CSMD1: variants seen among roughly 807,000 people sequenced by gnomAD.
CSMD1 encodes CUB and sushi domain-containing protein 1.
Under a neutral mutation model 417.5 loss-of-function variants are expected in CSMD1, and 213 were observed. The observed-to-expected ratio is 0.51, with a 90% CI of 0.46 to 0.57. CSMD1 has a LOEUF of 0.57. Ranked by LOEUF, CSMD1 falls within the 20% of genes least tolerant of loss-of-function variation. The probability of loss-of-function intolerance (pLI) is 0.00; values close to 1 mark genes in which losing one functional copy is unlikely to be tolerated. For synonymous variants in CSMD1, 2,862 were observed against 1,736.8 expected, an observed-to-expected ratio of 1.65 and a Z score of -16.11; for missense variants, 6,923 against 4,529.7, an observed-to-expected ratio of 1.53 and a Z score of -15.17.
chr8:3,694,766 T>A (rs1800454594), intron 7 of CSMD1, among the ~76,000 whole-genome samples: 1 of 150,474 alleles, frequency 6.6e-6, no homozygotes, highest in Admixed American at 6.6e-5. Flanking sequence ...AAAAAAGAAG[T>A]GGAAAGAGCG....
chr8:3,235,667 C>G (rs1057072450), intron 26 of CSMD1, among the ~76,000 whole-genome samples: 2 of 152,132 alleles, frequency 1.3e-5, no homozygotes, highest in African/African-American at 4.8e-5. Flanking sequence ...AAATAGAAGT[C>G]CACAGAATAT....
At chr8:4,232,867 A>G (rs1801826516) in intron 3 of CSMD1, among the ~76,000 whole-genome samples, 1 of 152,198 alleles carries the variant, frequency 6.6e-6, no homozygotes, top group African/African-American at 2.4e-5. Flanking sequence ...TTTAGGGGCA[A>G]CAATCTTGAA....
intron 49 of CSMD1, among the ~76,000 whole-genome samples, chr8:3,085,619 G>C (rs951052449): frequency 7.9e-5 from 12 of 152,184 alleles, no homozygotes; most frequent in Non-Finnish European, 1.5e-4. Context: ...TGCACTATTT[G>C]TATTTCTGAA....
chr8:3,214,766 G>A (rs1327568020), intron 29 of CSMD1, 75 bp from the exon 30 acceptor site: 4 of 1,237,188 alleles, frequency 3.2e-6, no homozygotes, highest in Non-Finnish European at 4.5e-6. Context: ...TGTTGGGTTG[G>A]TTCTTTAATT....
rs147816994 is a variant in CSMD1, at chr8:4,309,458, A to T, written c.415+110495T>A. The stretch of plus-strand genomic sequence containing the variant: ...TTTTATAATTTTAATATTATGAAAG[A>T]CGAGAAAAAATAAATATTAAATGCA... On this transcript the variant is annotated intron_variant, in intron 3 of 69. Transcript: ENST00000635120. Among the ~76,000 whole-genome samples the T allele has an allele frequency of 5.1e-3, 730 of 143,234 alleles. 5 individuals are homozygous for T. Among genetic ancestry groups the T allele is most frequent in the African/African-American group, 0.021 (698 of 33,444 alleles). 94.0% of individuals were successfully genotyped at this position (143,234 alleles called of 152,430 possible). A position where few individuals can be genotyped will look rare whatever the true frequency, so the allele number is the denominator to read the frequency against.
At chr8:2,971,185 C>T (rs1357809311) in intron 57 of CSMD1, among the ~76,000 whole-genome samples, 1 of 152,172 alleles carries the variant, frequency 6.6e-6, no homozygotes, top group Non-Finnish European at 1.5e-5. Context: ...ATCTAATTCA[C>T]TTCAAGCTCT....
intron 3 of CSMD1, among the ~76,000 whole-genome samples, chr8:4,314,185 T>C (rs1274294567): frequency 6.6e-6 from 1 of 151,856 alleles, no homozygotes; most frequent in Non-Finnish European, 1.5e-5. Context: ...CATTCCTTGG[T>C]TCCCTCATTA....
intron 1 of CSMD1, among the ~76,000 whole-genome samples, chr8:4,719,873 C>A (rs1400882235): frequency 1.3e-5 from 2 of 152,040 alleles, no homozygotes; most frequent in African/African-American, 4.8e-5. Flanking sequence ...AAAGGACTCC[C>A]TATGCAGGGC....
At chr8:4,354,361 T>C (rs1326963164) in intron 3 of CSMD1, among the ~76,000 whole-genome samples, 1 of 152,210 alleles carries the variant, frequency 6.6e-6, no homozygotes, top group South Asian at 2.1e-4. Flanking sequence ...CATTCTAATA[T>C]TCACAAACCT....
chr8:3,293,570 ATTCAT>A (rs1357927811), intron 25 of CSMD1, among the ~76,000 whole-genome samples: 3 of 151,586 alleles, frequency 2.0e-5, no homozygotes, highest in Non-Finnish European at 4.4e-5. Context: ...GCTTCATTTC[ATTCAT>A]TTCATCTTCC....
intron 1 of CSMD1, among the ~76,000 whole-genome samples, chr8:4,671,012 C>T (rs1392228157): frequency 2.0e-5 from 3 of 152,244 alleles, no homozygotes; most frequent in Admixed American, 1.3e-4. Flanking sequence ...AGCTTGCCTA[C>T]ATTGGCTGCT....
At chr8:3,375,307 C>G (rs962540243) in intron 18 of CSMD1, 1 of 152,206 alleles carries the variant, frequency 6.6e-6, no homozygotes, top group African/African-American at 2.4e-5. Flanking sequence ...TTTGTCTTAT[C>G]AATTGCCTAG....
At chr8:4,427,010 T>C (rs1339380232) in intron 2 of CSMD1, among the ~76,000 whole-genome samples, 4 of 152,032 alleles carry the variant, frequency 2.6e-5, no homozygotes, top group African/African-American at 7.2e-5. Flanking sequence ...CAAGAAGTGA[T>C]CAGTGATCAT....
At chr8:4,821,043 CAAG>C (rs1409856643) in intron 1 of CSMD1, among the ~76,000 whole-genome samples, 1 of 152,014 alleles carries the variant, frequency 6.6e-6, no homozygotes, top group Non-Finnish European at 1.5e-5. Flanking sequence ...TGCTCCACAC[CAAG>C]AAGAACAATG....
intron 5 of CSMD1, among the ~76,000 whole-genome samples, chr8:3,791,182 G>A (rs368237281): frequency 2.0e-5 from 3 of 152,140 alleles, no homozygotes; most frequent in African/African-American, 7.2e-5. Flanking sequence ...GGAGCATTTA[G>A]ATGTGTTTGT....
intron 2 of CSMD1, among the ~76,000 whole-genome samples, chr8:4,431,924 G>A (rs953032402): frequency 1.3e-5 from 2 of 151,890 alleles, no homozygotes; most frequent in African/African-American, 4.8e-5. Flanking sequence ...TGGGTAAATG[G>A]GAATTACTTC....
At position 3,853,842 on chromosome 8, in the gene CSMD1, A is replaced by G. The variant is rs1255912759; in HGVS notation, c.819-99800T>C. On this transcript the variant is annotated intron_variant, in intron 5 of 69. Coordinates refer to ENST00000635120, the MANE Select transcript of CSMD1 (RefSeq NM_033225.6). ...TATGTAACAAACCTGCACATTGTGC[A>G]CATGTACCCTAAAACTTAATATATT... is the stretch of plus-strand genomic sequence containing the variant. Among the ~76,000 whole-genome samples, 6 of 149,740 alleles carry G rather than the reference A, an allele frequency of 4.0e-5. No individual in the cohort carries two copies. The South Asian group carries it at 1.0e-3, about 26-fold the overall frequency.
At chr8:4,953,325 G>C (rs764042169) in intron 1 of CSMD1, among the ~76,000 whole-genome samples, 4 of 152,042 alleles carry the variant, frequency 2.6e-5, no homozygotes, top group Non-Finnish European at 4.4e-5. Context: ...AATTGAACTT[G>C]TTGTAACTTT....
At chr8:4,458,964 C>G (rs1563198291) in intron 2 of CSMD1, among the ~76,000 whole-genome samples, 2 of 152,206 alleles carry the variant, frequency 1.3e-5, no homozygotes, top group African/African-American at 2.4e-5. Flanking sequence ...GAGGAAACAT[C>G]TAACCAAGAA....
Sources: gnomAD v4.1 joint callset for allele counts (sites outside exome capture counted in the v4.1 genomes callset) on GRCh38, gnomAD v4.1.1 for gene constraint, MANE v1.5 for transcripts, NCBI Gene and HGNC (gene_info 2026-07-23, HGNC 2026-07-21) for gene names.